The following XIRP2 variants were observed in gnomAD, a reference collection of about 807,000 sequenced individuals.
XIRP2 encodes xin actin-binding repeat-containing protein 2.
In XIRP2, 236 loss-of-function variants were observed where a neutral mutation model predicts 277.0. The ratio of observed to expected loss-of-function variants is 0.85; its 90% CI spans 0.77 to 0.95. XIRP2 has a LOEUF of 0.95. Ranked by LOEUF, XIRP2 falls within the 40% of genes least tolerant of loss-of-function variation. The pLI, the probability that XIRP2 is intolerant of heterozygous loss-of-function variation, is 0.00. For synonymous variants in XIRP2, 1,490 were observed against 1,416.5 expected (o/e 1.05, Z -1.17); for missense variants, 4,640 against 4,157.5 (o/e 1.12, Z -3.19).
At chr2:167,102,946 A>G (rs548628584) in intron 2 of XIRP2, among the ~76,000 whole-genome samples, 137 of 152,332 alleles carry the variant, frequency 9.0e-4, no homozygotes, top group African/African-American at 3.1e-3. Flanking sequence ...CAAAAGACTA[A>G]TTGTTGTAAA....
chr2:167,114,182 G>T (rs1574266552), intron 2 of XIRP2, among the ~76,000 whole-genome samples: 1 of 152,156 alleles, frequency 6.6e-6, no homozygotes, highest in African/African-American at 2.4e-5. Context: ...TCTCTAGTAA[G>T]CTTGGGGAAG....
intron 3 of XIRP2, among the ~76,000 whole-genome samples, chr2:167,138,411 A>G (rs188761257): frequency 2.6e-5 from 4 of 152,300 alleles, no homozygotes; most frequent in Admixed American, 2.0e-4. Context: ...GAAAGGTGCT[A>G]TGATTTTCCC....
chr2:166,927,964 A>G (rs1685234142), intron 2 of XIRP2, among the ~76,000 whole-genome samples: 1 of 152,180 alleles, frequency 6.6e-6, no homozygotes, highest in South Asian at 2.1e-4. Flanking sequence ...ATGTTAAAGA[A>G]AGGCTAAACA....
chr2:167,113,509 A>G (rs1271814300), intron 2 of XIRP2, among the ~76,000 whole-genome samples: 1 of 152,094 alleles, frequency 6.6e-6, no homozygotes, highest in Admixed American at 6.6e-5. Flanking sequence ...ATTTTTCTCC[A>G]TCCCTTCATT....
chr2:167,031,537 A>G (rs547254254), intron 2 of XIRP2, among the ~76,000 whole-genome samples: 2 of 152,004 alleles, frequency 1.3e-5, no homozygotes, highest in African/African-American at 4.8e-5. Flanking sequence ...GCAGATGACA[A>G]CTGTATATTT....
intron 2 of XIRP2, among the ~76,000 whole-genome samples, chr2:166,941,234 C>A (rs540029967): frequency 2.0e-5 from 3 of 152,330 alleles, no homozygotes; most frequent in South Asian, 4.1e-4. Context: ...GACTGTGGGA[C>A]TGTCCAAGCC....
At chr2:166,930,286 C>T (rs1685295130) in intron 2 of XIRP2, among the ~76,000 whole-genome samples, 2 of 152,086 alleles carry the variant, frequency 1.3e-5, no homozygotes, top group South Asian at 4.1e-4. Context: ...TATGATTTAC[C>T]ACCAGACTTG....
intron 2 of XIRP2, among the ~76,000 whole-genome samples, chr2:166,919,410 T>A (rs568755004): frequency 6.6e-6 from 1 of 152,328 alleles, no homozygotes; most frequent in South Asian, 2.1e-4. Flanking sequence ...TTGGATGACA[T>A]GAGACAAATT....
intron 2 of XIRP2, among the ~76,000 whole-genome samples, chr2:167,029,739 G>C (rs1056451599): frequency 6.6e-6 from 1 of 152,008 alleles, no homozygotes; most frequent in African/African-American, 2.4e-5. Context: ...TTAGGGAGGA[G>C]TCCCTCTTTT....
At position 167,246,615 on chromosome 2, in the gene XIRP2, A is replaced by C; in HGVS notation, c.5223A>C (p.Gly1741=). 6.2e-7 allele frequency: 1 copy of C among 1,613,776 alleles called. No individual in the cohort carries two copies. The highest frequency in any genetic ancestry group is 8.5e-7 in the Non-Finnish European group (1 of 1,179,816). The stretch of plus-strand genomic sequence containing the variant: ...CTAAAATTGATGCCTCTGAGAGAGG[A>C]AATGTTCAGTTTTTCACAACCTGCA... ...ERAKIDASER[G]NVQFFTTCIE... is the part of the protein sequence containing the mutation. Residue 1741 remains glycine, a synonymous_variant, in exon 9 of 11, where the codon GGA becomes GGC. Coordinates refer to ENST00000409195, the MANE Select transcript of XIRP2 (RefSeq NM_152381.6).
chr2:167,245,728 A>C lies in XIRP2; in HGVS notation c.4336A>C (p.Lys1446Gln). 2 of 1,613,704 alleles carry C rather than the reference A, an allele frequency of 1.2e-6. No individual in the cohort carries two copies. The highest frequency in any genetic ancestry group is 1.7e-6 in the Non-Finnish European group (2 of 1,179,744). ...AACAGTAAGTGTCAATGAAATACAA[A>C]AGGGCAATGTTAAAACATCTACTTG... is the stretch of plus-strand genomic sequence containing the variant. ...IRTVSVNEIQ[K>Q]GNVKTSTWLF... The change falls in exon 9 of 11, where the codon AAG becomes CAG. Residue 1446 changes from lysine (K) to glutamine (Q), a missense_variant. Coordinates refer to ENST00000409195, the MANE Select transcript of XIRP2 (RefSeq NM_152381.6).
intron 2 of XIRP2, among the ~76,000 whole-genome samples, chr2:167,012,584 A>G (rs529711446): frequency 6.6e-6 from 1 of 151,748 alleles, no homozygotes; most frequent in East Asian, 1.9e-4. Context: ...AAAGTTTCCC[A>G]TCATTATGAC....
chr2:167,015,694 G>A (rs759003516), intron 2 of XIRP2, among the ~76,000 whole-genome samples: 3 of 151,652 alleles, frequency 2.0e-5, no homozygotes, highest in African/African-American at 7.3e-5. Context: ...AAGAAATGGA[G>A]AGCCAGAAAG....
At chr2:167,234,100 G>A (rs1694834260) in intron 5 of XIRP2, among the ~76,000 whole-genome samples, 3 of 151,624 alleles carry the variant, frequency 2.0e-5, no homozygotes, top group East Asian at 1.9e-4. Context: ...AGGAGACAGA[G>A]TTCTAGCAGC....
At chr2:166,902,500 A>G (rs1684408965) in intron 1 of XIRP2, among the ~76,000 whole-genome samples, 1 of 152,050 alleles carries the variant, frequency 6.6e-6, no homozygotes, top group Non-Finnish European at 1.5e-5. Flanking sequence ...AAAATGCCTG[A>G]TCCTTCAAAA....
intron 2 of XIRP2, among the ~76,000 whole-genome samples, chr2:167,101,966 G>A (rs1419740696): frequency 6.6e-6 from 1 of 152,104 alleles, no homozygotes; most frequent in African/African-American, 2.4e-5. Flanking sequence ...CGAGGAAAGG[G>A]GTGAGGAGTA....
At chr2:166,906,143 A>G (rs1684518416) in intron 2 of XIRP2, among the ~76,000 whole-genome samples, 1 of 152,028 alleles carries the variant, frequency 6.6e-6, no homozygotes, top group Admixed American at 6.6e-5. Context: ...CAAGGACAGA[A>G]AATAATTTCA....
chr2:167,024,400 C>A (rs933011323), intron 2 of XIRP2, among the ~76,000 whole-genome samples: 2 of 152,088 alleles, frequency 1.3e-5, no homozygotes, highest in Admixed American at 6.6e-5. Context: ...CATCTGCAAA[C>A]AGGGACAATT....
At position 167,247,803 on chromosome 2, in the gene XIRP2, G is replaced by A. The variant is rs373092460; in HGVS notation, c.6411G>A (p.Glu2137=). The A allele has an allele frequency of 1.2e-5, 19 of 1,613,056 alleles. No homozygotes were observed. The highest frequency in any genetic ancestry group is 2.7e-5 in the African/African-American group (2 of 74,770). ...TGAGAAATGACCACCAGAAAATGGA[G>A]GGTTTTCATATAAAGAGTCCTAAAA... ...YELRNDHQKM[E]GFHIKSPKKT... The change falls in exon 9 of 11, where the codon GAG becomes GAA. Residue 2137 remains glutamate (E), a synonymous_variant. Transcript: ENST00000409195.
Sources: gnomAD v4.1 joint callset for allele counts (sites outside exome capture counted in the v4.1 genomes callset) on GRCh38, gnomAD v4.1.1 for gene constraint, MANE v1.5 for transcripts, NCBI Gene and HGNC (gene_info 2026-07-23, HGNC 2026-07-21) for gene names.